Variants in SMG5 observed in about 807,000 individuals in gnomAD.
SMG5 encodes SMG5 nonsense mediated mRNA decay factor, also known as nonsense-mediated mRNA decay factor SMG5.
A neutral mutation model predicts 122.9 loss-of-function variants in SMG5; 53 were observed. The ratio of observed to expected loss-of-function variants is 0.43; its 90% confidence interval spans 0.35 to 0.54. The LOEUF is 0.54. Among genes scored for constraint, SMG5 ranks in the 20% least tolerant of loss-of-function variants. The probability of loss-of-function intolerance (pLI) is 0.01; values close to 1 mark genes in which losing one functional copy is unlikely to be tolerated. For missense variants in SMG5, 1,153 were observed against 1,285.6 expected (o/e 0.90, Z 1.58); for synonymous variants, 477 against 490.2 (o/e 0.97, Z 0.35).
At chr1:156,266,402 G>C (rs751762238) in intron 11 of SMG5, 22 bp from the exon 12 acceptor site, 7 of 1,605,518 alleles carry the variant, frequency 4.4e-6, no homozygotes, top group Non-Finnish European at 6.0e-6. Context: ...GGAAGGTCAG[G>C]TGGAGCCCGA....
Position 156,249,435 on chromosome 1 carries a change from A to T in SMG5, c.*1152T>A, listed in dbSNP as rs1294703618. On this transcript the variant is annotated 3_prime_UTR_variant, in exon 22 of 22. Transcript: ENST00000361813. Reference sequence around the variant, plus strand: ...CTGAGACCCTCCACCCCGAGCCCCTAGCCTGTGCTATCCTCCCAGCCTGAG... The same window carrying T: ...CTGAGACCCTCCACCCCGAGCCCCTTGCCTGTGCTATCCTCCCAGCCTGAG... The T allele has an allele frequency of 1.2e-5, 4 of 331,994 alleles. No homozygotes were observed. The highest frequency in any genetic ancestry group is 2.4e-5 in the Non-Finnish European group (4 of 168,690). 20.6% of individuals were successfully genotyped at this position (331,994 alleles called of 1,614,324 possible). A position where few individuals can be genotyped will look rare whatever the true frequency, so the allele number is the denominator to read the frequency against.
chr1:156,263,173 A>C (rs1225192014), intron 13 of SMG5, among the ~76,000 whole-genome samples: 1 of 152,258 alleles, frequency 6.6e-6, no homozygotes, highest in Non-Finnish European at 1.5e-5. Flanking sequence ...AAAGCAAAAT[A>C]AGCAGCTCGC....
rs1295256341 is a variant in SMG5, at chr1:156,249,993, T to C, written c.*594A>G. On this transcript the variant is annotated 3_prime_UTR_variant, in exon 22 of 22. Coordinates refer to ENST00000361813, the MANE Select transcript of SMG5 (RefSeq NM_015327.3). ...AGGAGCACACGAACCCTGACCCTGC[T>C]ACTCGGTGCAGGCCACTCCAGGCCT... is the stretch of plus-strand genomic sequence containing the variant. 2.1e-6 allele frequency: 1 copy of C among 466,722 alleles called. No individual in the cohort carries two copies. The highest frequency in any genetic ancestry group is 7.0e-5 in the East Asian group (1 of 14,364). The allele number at this position is 466,722 out of a possible 1,614,324, so 28.9% of individuals were successfully genotyped here.
chr1:156,272,369 C>T lies in SMG5; in HGVS notation c.664G>A (p.Ala222Thr). ...TCCACATTATAGTACTTGCTGCCTG[C>T]CAGGGTGCCCAGCTGATTGAAGGGC... ...GMPFNQLGTL[A>T]GSKYYNVEAM... Residue 222 changes from alanine to threonine, a missense_variant, in exon 7 of 22, where the codon GCA becomes ACA. Ala to Thr is a moderately conservative substitution (Grantham distance 58). This residue lies in a region of SMG5 where 85 missense variants were observed against 127.3 expected (regional missense o/e 0.67). Transcript: ENST00000361813. 2 of 1,602,024 alleles carry T rather than the reference C, an allele frequency of 1.2e-6. No individual in the cohort carries two copies. Among genetic ancestry groups the T allele is most frequent in the Non-Finnish European group, 1.7e-6 (2 of 1,172,948 alleles).
chr1:156,291,338 G>T, the SMG5 span: 1 of 1,582,300 alleles, frequency 6.3e-7, no homozygotes, highest in South Asian at 1.1e-5. Context: ...CCAATCAGCT[G>T]ACGCGCTTCC....
upstream of SMG5, chr1:156,285,447 C>G (rs1663121467): frequency 6.2e-7 from 1 of 1,613,636 alleles, no homozygotes; most frequent in Admixed American, 1.7e-5. Context: ...AGTGAGGCTG[C>G]CACCTTGCCC....
chr1:156,279,867 T>C (rs559760148), intron 1 of SMG5, among the ~76,000 whole-genome samples: 3 of 152,130 alleles, frequency 2.0e-5, no homozygotes, highest in Non-Finnish European at 4.4e-5. Context: ...AGTGTAGGCA[T>C]GAAACCAGAC....
intron 20 of SMG5, 89 bp from the exon 21 acceptor site, chr1:156,251,085 G>T: frequency 6.5e-7 from 1 of 1,538,148 alleles, no homozygotes. Flanking sequence ...AGGGGCAGCT[G>T]GGGGCTGGGA....
chr1:156,261,342 G>C lies in SMG5; in HGVS notation c.2098C>G (p.Gln700Glu), dbSNP rs1490623030. ...CCAGGGACCCACTCACCAGACTCCT[G>C]GAGTTCACCAGCAGCAGGCAACAGA... ...LNLLPAAGELQESGLALCPEV... is the reference protein window; with the variant it reads ...LNLLPAAGELEESGLALCPEV... The change falls in exon 14 of 22, where the codon CAG (glutamine) becomes GAG (glutamate). Residue 700 changes from glutamine to glutamate, a missense_variant. By Grantham distance (29) the Gln-to-Glu change is conservative. Around this residue, in one of 5 missense-constraint regions of SMG5, gnomAD observed 631 missense variants for 650.6 expected, o/e 0.97. Coordinates refer to ENST00000361813, the MANE Select transcript of SMG5 (RefSeq NM_015327.3). The C allele has an allele frequency of 1.9e-6, 3 of 1,614,136 alleles. No homozygotes were observed.
intron 13 of SMG5, among the ~76,000 whole-genome samples, chr1:156,262,810 G>A (rs1661914989): frequency 6.6e-6 from 1 of 151,976 alleles, no homozygotes. Context: ...TTCCACAGCA[G>A]GGCAGGTATG....
upstream of SMG5, among the ~76,000 whole-genome samples, chr1:156,284,941 C>A (rs917832936): frequency 6.6e-6 from 1 of 152,118 alleles, no homozygotes; most frequent in Non-Finnish European, 1.5e-5. Context: ...GGCCTGTGTC[C>A]CTTGACTCAC....
At position 156,261,325 on chromosome 1, in the gene SMG5, C is replaced by A. The variant is rs1218091604; in HGVS notation, c.2107+8G>T. ...AAGAAAGGAGGGTAGTGCCAGGGACCCACTCACCAGACTCCTGGAGTTCAC... is the reference window on the plus strand; with the variant it reads ...AAGAAAGGAGGGTAGTGCCAGGGACACACTCACCAGACTCCTGGAGTTCAC... On this transcript the variant is annotated splice_region_variant and intron_variant, in intron 14 of 21. Transcript: ENST00000361813. The A allele has an allele frequency of 6.2e-7, 1 of 1,613,712 alleles. No individual in the cohort carries two copies. Among genetic ancestry groups the A allele is most frequent in the Middle Eastern group, 1.7e-4 (1 of 6,060 alleles).
chr1:156,272,983 C>T (rs1363843557), intron 6 of SMG5, among the ~76,000 whole-genome samples: 1 of 152,164 alleles, frequency 6.6e-6, no homozygotes, highest in Non-Finnish European at 1.5e-5. Context: ...TGATGGAACT[C>T]CATGGAGCCC....
intron 10 of SMG5, among the ~76,000 whole-genome samples, chr1:156,266,921 G>A (rs557591793): frequency 2.0e-5 from 3 of 152,028 alleles, no homozygotes; most frequent in South Asian, 2.1e-4. Flanking sequence ...GATTACAGGC[G>A]TGAGGCACTG....
At chr1:156,263,309 A>AG (rs1444519115) in intron 13 of SMG5, 86 bp downstream of exon 13, 4 of 1,441,016 alleles carry the variant, frequency 2.8e-6, no homozygotes, top group Non-Finnish European at 2.8e-6. Context: ...CTTGGCCATC[A>AG]GGGGGGATCC....
At chr1:156,286,101 A>AC, upstream of SMG5, 1 of 1,448,176 alleles carries the variant, frequency 6.9e-7, no homozygotes, top group Non-Finnish European at 9.4e-7. Flanking sequence ...AGGGTCTCCC[A>AC]CCCCCTGCCA....
rs1404926979 is a variant in SMG5 at position 156,249,963 on chromosome 1, G to C, written c.*624C>G. The stretch of plus-strand genomic sequence containing the variant: ...AATGGGATGTGCAGCCCCTGCAGCA[G>C]GAGGAGGAGCACACGAACCCTGACC... On this transcript the variant is annotated 3_prime_UTR_variant, in exon 22 of 22. Transcript: ENST00000361813. 1 of 470,702 alleles carries C rather than the reference G, an allele frequency of 2.1e-6. No homozygotes were observed. The highest frequency in any genetic ancestry group is 4.4e-6 in the Non-Finnish European group (1 of 226,848). The allele number at this position is 470,702 out of a possible 1,614,324, so 29.2% of individuals were successfully genotyped here.
At chr1:156,265,703 T>G in intron 12 of SMG5, 78 bp downstream of exon 12, 1 of 1,544,696 alleles carries the variant, frequency 6.5e-7, no homozygotes, top group Non-Finnish European at 8.7e-7. Flanking sequence ...TTCACACAGA[T>G]AGGAAAGCGG....
chr1:156,280,259 G>C (rs911577510), intron 1 of SMG5, among the ~76,000 whole-genome samples: 6 of 152,190 alleles, frequency 3.9e-5, no homozygotes. Flanking sequence ...ATGTGAATCA[G>C]GCACAACTGT....
Sources: gnomAD v4.1 joint callset for allele counts (sites outside exome capture counted in the v4.1 genomes callset) on GRCh38, gnomAD v4.1.1 for gene constraint, gnomAD v4.1.1 regional missense constraint, MANE v1.5 for transcripts, NCBI Gene and HGNC (gene_info 2026-07-23, HGNC 2026-07-21) for gene names.